P2RY8: variants seen among roughly 807,000 people sequenced by gnomAD.
P2RY8 encodes S-geranylgeranyl-glutathione receptor P2RY8.
In P2RY8, 6 loss-of-function variants were observed where a neutral mutation model predicts 10.0. The ratio of observed to expected loss-of-function variants is 0.60; its 90% CI spans 0.33 to 1.19. The LOEUF (loss-of-function observed/expected upper bound fraction) is 1.19. Ranked by LOEUF, P2RY8 falls within the 50% of genes most tolerant of loss-of-function variation. The probability of loss-of-function intolerance (pLI) is 0.04; values close to 1 mark genes in which losing one functional copy is unlikely to be tolerated. For missense variants in P2RY8, 456 were observed against 542.0 expected, an observed-to-expected ratio of 0.84 and a Z score of 1.58; for synonymous variants, 276 against 252.5, an observed-to-expected ratio of 1.09 and a Z score of -0.88.
intron 1 of P2RY8, among the ~76,000 whole-genome samples, chrX:1,534,389 C>T (rs1219779461): frequency 4.0e-5 from 6 of 151,702 alleles, no homozygotes; most frequent in Non-Finnish European, 8.8e-5. Context: ...CCTGCAGTCC[C>T]CTGAGCTCAG....
chrX:1,527,232 T>A (rs1435196830), intron 1 of P2RY8, among the ~76,000 whole-genome samples: 1 of 152,156 alleles, frequency 6.6e-6, no homozygotes, highest in Non-Finnish European at 1.5e-5. Flanking sequence ...TACCTATCCA[T>A]CTGTTCATCC....
At chrX:1,509,798 T>A (rs1211697399) in intron 1 of P2RY8, among the ~76,000 whole-genome samples, 1,767 of 61,512 alleles carry the variant, frequency 0.029, 48 homozygotes, top group African/African-American at 0.07. Context: ...GTATCCATCC[T>A]ATCTATCTAT....
rs756684695 is a variant in P2RY8 at position 1,524,805 on chromosome X, TCATCCATCCATC to T, written c.-25+12104_-25+12115del. 5.1e-3 allele frequency among the ~76,000 whole-genome samples: 395 copies of T among 76,922 alleles called. 4 individuals carry two copies. Among genetic ancestry groups the T allele is most frequent in the South Asian group, 0.017 (37 of 2,128 alleles). The allele number at this position is 76,922 out of a possible 152,430, so 50.5% of individuals were successfully genotyped here. A position where few individuals can be genotyped will look rare whatever the true frequency, so the allele number is the denominator to read the frequency against. The stretch of plus-strand genomic sequence containing the variant: ...TCCACTCATCCATTCATCCATCCAC[TCATCCATCCATC>T]CATCCATCCATCCATCCATCCATCC... On this transcript the variant is annotated intron_variant, in intron 1 of 1. Transcript: ENST00000381297.
At position 1,522,808 on chromosome X, in the gene P2RY8, C is replaced by A. The variant is rs187927466; in HGVS notation, c.-25+14113G>T. Among the ~76,000 whole-genome samples, 1,043 of 150,968 alleles carry A rather than the reference C, an allele frequency of 6.9e-3. 6 individuals carry two copies. Among genetic ancestry groups the A allele is most frequent in the African/African-American group, 0.024 (1,000 of 41,034 alleles). Reference sequence around the variant, plus strand: ...TTAAGGCCGGGCGTGGTGGCTCACACCTGTTATCGCAGCACTTTGGGAGGC... The same window carrying A: ...TTAAGGCCGGGCGTGGTGGCTCACAACTGTTATCGCAGCACTTTGGGAGGC... On this transcript the variant is annotated intron_variant, in intron 1 of 1. Coordinates refer to ENST00000381297, the MANE Select transcript of P2RY8 (RefSeq NM_178129.5).
chrX:1,497,043 A>G (rs2092123726), intron 1 of P2RY8, among the ~76,000 whole-genome samples: 1 of 148,442 alleles, frequency 6.7e-6, no homozygotes, highest in Non-Finnish European at 1.5e-5. Flanking sequence ...ACATGGTGAA[A>G]CCCTGTCTCT....
chrX:1,488,683 G>T (rs1395640970), intron 1 of P2RY8, among the ~76,000 whole-genome samples: 3 of 151,960 alleles, frequency 2.0e-5, no homozygotes, highest in African/African-American at 7.3e-5. Context: ...CTTTGGGTCT[G>T]CTGTCCTTAG....
At chrX:1,520,474 C>A (rs1482569781) in intron 1 of P2RY8, among the ~76,000 whole-genome samples, 1 of 147,954 alleles carries the variant, frequency 6.8e-6, no homozygotes, top group Non-Finnish European at 1.5e-5. Flanking sequence ...ATCTTCTTAG[C>A]CTCTAATAAT....
rs1460780008 is a variant in P2RY8, at chrX:1,531,064, G to GTCTATCTATCTA, written c.-25+5856_-25+5857insTAGATAGATAGA. ...ATCGATTCTATCTATCTGTCTGTCT[G>GTCTATCTATCTA]TCTGTCTATCTATCTATCTATCTAT... On this transcript the variant is annotated intron_variant, in intron 1 of 1. Transcript: ENST00000381297. 1.4e-3 allele frequency among the ~76,000 whole-genome samples: 126 copies of GTCTATCTATCTA among 87,094 alleles called. 1 individual carries two copies. Among genetic ancestry groups the GTCTATCTATCTA allele is most frequent in the African/African-American group, 3.2e-3 (81 of 25,580 alleles). 57.1% of individuals were successfully genotyped at this position (87,094 alleles called of 152,430 possible). A position where few individuals can be genotyped will look rare whatever the true frequency, so the allele number is the denominator to read the frequency against.
At chrX:1,479,197 C>T (rs1218594802) in intron 1 of P2RY8, among the ~76,000 whole-genome samples, 1 of 152,218 alleles carries the variant, frequency 6.6e-6, no homozygotes, top group Non-Finnish European at 1.5e-5. Flanking sequence ...TCAGAAGTAA[C>T]CTCTGGGAGT....
chrX:1,521,936 C>G (rs1173272961), intron 1 of P2RY8, among the ~76,000 whole-genome samples: 1 of 126,518 alleles, frequency 7.9e-6, no homozygotes, highest in Non-Finnish European at 1.6e-5. Context: ...CTCTTTCTCT[C>G]TCGCTCTCTT....
At chrX:1,524,991 A>G (rs1164627419) in intron 1 of P2RY8, among the ~76,000 whole-genome samples, 1 of 152,128 alleles carries the variant, frequency 6.6e-6, no homozygotes, top group African/African-American at 2.4e-5. Context: ...CAGCTGCTCA[A>G]GAAGGTGGTC....
intron 1 of P2RY8, among the ~76,000 whole-genome samples, chrX:1,516,870 C>T (rs1331256765): frequency 1.2e-4 from 18 of 151,536 alleles, no homozygotes; most frequent in Non-Finnish European, 1.9e-4. Context: ...CAGCCCTGCC[C>T]GTTCGCTGAT....
intron 1 of P2RY8, among the ~76,000 whole-genome samples, chrX:1,512,374 C>G (rs548527062): frequency 6.6e-6 from 1 of 151,866 alleles, no homozygotes; most frequent in East Asian, 1.9e-4. Flanking sequence ...TGGTGAAACC[C>G]CATCTCTACT....
At chrX:1,535,339 C>T (rs2092516365) in intron 1 of P2RY8, among the ~76,000 whole-genome samples, 1 of 151,352 alleles carries the variant, frequency 6.6e-6, no homozygotes, top group Non-Finnish European at 1.5e-5. Flanking sequence ...AGGTGCCCGC[C>T]GCCACACTCG....
intron 1 of P2RY8, among the ~76,000 whole-genome samples, chrX:1,535,716 G>C (rs7057060): frequency 0.022 from 3,178 of 146,208 alleles, 136 homozygotes; most frequent in African/African-American, 0.076. Flanking sequence ...CACACACACA[G>C]ACACACACAC....
intron 1 of P2RY8, among the ~76,000 whole-genome samples, chrX:1,496,005 C>G (rs1239143954): frequency 6.9e-6 from 1 of 145,520 alleles, no homozygotes; most frequent in African/African-American, 2.5e-5. Flanking sequence ...GCCCTGCCCA[C>G]ACCTGGATCT....
chrX:1,508,411 G>A (rs1302683489), intron 1 of P2RY8, among the ~76,000 whole-genome samples: 12 of 152,092 alleles, frequency 7.9e-5, no homozygotes, highest in African/African-American at 1.4e-4. Flanking sequence ...TGCACGGGAC[G>A]GCCCTGCCAC....
chrX:1,489,656 G>A (rs760325569), intron 1 of P2RY8, among the ~76,000 whole-genome samples: 13 of 150,878 alleles, frequency 8.6e-5, no homozygotes, highest in Non-Finnish European at 1.6e-4. Flanking sequence ...TGGAGGGAAC[G>A]AATGAATGAT....
At chrX:1,495,858 C>T (rs1484666049) in intron 1 of P2RY8, among the ~76,000 whole-genome samples, 1 of 94,356 alleles carries the variant, frequency 1.1e-5, no homozygotes, top group African/African-American at 3.0e-5. Flanking sequence ...TATTCTGTGA[C>T]AGCAGCCTGA....
Sources: gnomAD v4.1 joint callset for allele counts (sites outside exome capture counted in the v4.1 genomes callset) on GRCh38, gnomAD v4.1.1 for gene constraint, MANE v1.5 for transcripts, NCBI Gene and HGNC (gene_info 2026-07-23, HGNC 2026-07-21) for gene names.